SEPTIN9: variants seen among roughly 807,000 people sequenced by gnomAD.
SEPTIN9 encodes septin 9, also known as septin-9.
Under a neutral mutation model 56.6 loss-of-function variants are expected in SEPTIN9, and 13 were observed. That is an observed-to-expected ratio of 0.23 (90% CI 0.15 to 0.37). The LOEUF (loss-of-function observed/expected upper bound fraction) is 0.37, where lower values mean the gene tolerates loss of function less well. Among genes scored for constraint, SEPTIN9 ranks in the 10% least tolerant of loss-of-function variants. The pLI, the probability that SEPTIN9 is intolerant of heterozygous loss-of-function variation, is 1.00. For synonymous variants in SEPTIN9, 332 were observed against 334.1 expected, an observed-to-expected ratio of 0.99 and a Z score of 0.07; for missense variants, 650 against 823.1, an observed-to-expected ratio of 0.79 and a Z score of 2.57.
intron 3 of SEPTIN9, among the ~76,000 whole-genome samples, chr17:77,411,634 T>TCAGG (rs2036305415): frequency 6.6e-6 from 1 of 151,632 alleles, no homozygotes; most frequent in African/African-American, 2.4e-5. Flanking sequence ...ACTCCTGACC[T>TCAGG]TGAGATCCGC....
At chr17:77,489,379 C>T (rs569116276) in intron 7 of SEPTIN9, among the ~76,000 whole-genome samples, 1 of 152,304 alleles carries the variant, frequency 6.6e-6, no homozygotes, top group Admixed American at 6.5e-5. Flanking sequence ...CCGCACCTGA[C>T]GTCGCCCCTA....
Position 77,369,850 on chromosome 17 carries a change from T to C in SEPTIN9, c.77-32209T>C, listed in dbSNP as rs2034668167. Among the ~76,000 whole-genome samples, 1 of 152,242 alleles carries C rather than the reference T, an allele frequency of 6.6e-6. No homozygotes were observed. Among genetic ancestry groups the C allele is most frequent in the South Asian group, 2.1e-4 (1 of 4,836 alleles). On this transcript the variant is annotated intron_variant, in intron 2 of 11. Transcript: ENST00000427177. This position sits in a 1 kb window ranked among gnomAD's most constrained non-coding sequence, Gnocchi z 4.9. ...GGATATGGATGTGTGCGCCAAACGC[T>C]GCTTCCTCGTGGATTTCCTCCCCAC...
At chr17:77,343,566 G>C (rs1228730900) in intron 2 of SEPTIN9, among the ~76,000 whole-genome samples, 1 of 152,208 alleles carries the variant, frequency 6.6e-6, no homozygotes, top group East Asian at 1.9e-4. Context: ...AACCTGAGAA[G>C]GGAGTTGTGA....
intron 2 of SEPTIN9, among the ~76,000 whole-genome samples, chr17:77,357,480 C>G (rs889623480): frequency 6.6e-6 from 1 of 152,184 alleles, no homozygotes. Flanking sequence ...ATCACCTCAC[C>G]GTCCATCTAT....
chr17:77,339,345 A>C (rs568340282), intron 2 of SEPTIN9, among the ~76,000 whole-genome samples: 265 of 152,310 alleles, frequency 1.7e-3, no homozygotes, highest in African/African-American at 6.2e-3. Context: ...TTGAAAATCA[A>C]ATTTATCCCT....
intron 2 of SEPTIN9, among the ~76,000 whole-genome samples, chr17:77,339,804 C>A (rs11868786): frequency 7.8e-6 from 1 of 128,472 alleles, no homozygotes; most frequent in African/African-American, 2.8e-5. Flanking sequence ...GCCACTGCAC[C>A]GGGCCCTATT....
At chr17:77,379,906 C>T (rs896808539) in intron 2 of SEPTIN9, among the ~76,000 whole-genome samples, 2 of 152,184 alleles carry the variant, frequency 1.3e-5, no homozygotes, top group African/African-American at 4.8e-5. Flanking sequence ...CACTGCCTTT[C>T]TTTCCAAAGC....
intron 1 of SEPTIN9, among the ~76,000 whole-genome samples, chr17:77,296,544 G>GCAGA (rs760686685): frequency 5.3e-5 from 8 of 152,096 alleles, no homozygotes; most frequent in East Asian, 1.9e-4. Context: ...ACACAGACAG[G>GCAGA]CAGACAGACA....
rs559009823 is a variant in SEPTIN9, at chr17:77,311,564, C to T, written c.76+4367C>T. On this transcript the variant is annotated intron_variant, in intron 2 of 11. Coordinates refer to ENST00000427177, the MANE Select transcript of SEPTIN9 (RefSeq NM_001113491.2). The stretch of plus-strand genomic sequence containing the variant: ...CCTATGCTAGTTCCCATGCCTCTTC[C>T]GGCAGGAGTGCCTGGCTCCACCTGG... 1.1e-3 allele frequency among the ~76,000 whole-genome samples: 171 copies of T among 152,266 alleles called. 1 individual carries two copies. The highest frequency in any genetic ancestry group is 3.8e-3 in the African/African-American group (157 of 41,560).
chr17:77,373,386 C>G, intron 2 of SEPTIN9: 6 of 1,240,814 alleles, frequency 4.8e-6, no homozygotes, highest in Non-Finnish European at 6.0e-6. Flanking sequence ...GCGGCTAGCT[C>G]TGCACTGCAG....
intron 1 of SEPTIN9, among the ~76,000 whole-genome samples, chr17:77,285,763 T>C (rs1315551541): frequency 1.3e-5 from 2 of 152,202 alleles, no homozygotes; most frequent in Non-Finnish European, 2.9e-5. Flanking sequence ...ATTAAAAAGC[T>C]CTATGCTGTC....
chr17:77,308,351 C>T (rs1031888945), intron 2 of SEPTIN9, among the ~76,000 whole-genome samples: 2 of 152,364 alleles, frequency 1.3e-5, no homozygotes, highest in South Asian at 2.1e-4. Flanking sequence ...GTGAGACAGC[C>T]GTCCTGCCAG....
chr17:77,394,438 GAT>G (rs1378416798), intron 2 of SEPTIN9, among the ~76,000 whole-genome samples: 3 of 152,166 alleles, frequency 2.0e-5, no homozygotes, highest in African/African-American at 7.2e-5. Context: ...CTGGCTCCTA[GAT>G]AGCCAGTGTT....
chr17:77,464,802 T>C (rs2038640286), intron 3 of SEPTIN9, among the ~76,000 whole-genome samples: 1 of 151,814 alleles, frequency 6.6e-6, no homozygotes, highest in African/African-American at 2.4e-5. Context: ...AGATGGGGTT[T>C]CACCGTGGTC....
At chr17:77,452,071 CGCA>C (rs2037997428) in intron 3 of SEPTIN9, among the ~76,000 whole-genome samples, 3 of 152,202 alleles carry the variant, frequency 2.0e-5, no homozygotes, top group Admixed American at 2.0e-4. Flanking sequence ...GCTGCTACAG[CGCA>C]GCTCTGGATT....
At chr17:77,473,503 G>A (rs1462298424) in intron 3 of SEPTIN9, among the ~76,000 whole-genome samples, 2 of 152,126 alleles carry the variant, frequency 1.3e-5, no homozygotes, top group African/African-American at 4.8e-5. Context: ...AGAGTGCCAA[G>A]TTATTTTTTT....
intron 2 of SEPTIN9, among the ~76,000 whole-genome samples, chr17:77,351,497 C>A (rs1282262874): frequency 1.3e-5 from 2 of 152,184 alleles, no homozygotes; most frequent in East Asian, 3.9e-4. Flanking sequence ...GCTTGGGAGA[C>A]ACGTCTGCAG....
At chr17:77,461,972 G>A (rs1293458628) in intron 3 of SEPTIN9, among the ~76,000 whole-genome samples, 1 of 152,212 alleles carries the variant, frequency 6.6e-6, no homozygotes, top group African/African-American at 2.4e-5. Context: ...GTTGAAGGCG[G>A]TTAAGCGGGA....
chr17:77,347,559 C>T (rs575353932), intron 2 of SEPTIN9, among the ~76,000 whole-genome samples: 2 of 151,704 alleles, frequency 1.3e-5, no homozygotes, highest in African/African-American at 2.4e-5. Context: ...TCCTTTATCT[C>T]GTAATAATTT....
Sources: allele counts gnomAD v4.1 joint callset (sites outside exome capture counted in the v4.1 genomes callset), GRCh38; gene constraint gnomAD v4.1.1; non-coding constraint Gnocchi (gnomAD v3.1); transcripts MANE v1.5; gene names NCBI Gene and HGNC (gene_info 2026-07-23, HGNC 2026-07-21).